PICALM: variants seen among roughly 807,000 people sequenced by gnomAD.
PICALM encodes the protein phosphatidylinositol-binding clathrin assembly protein.
PICALM carries 40 observed loss-of-function variants against 80.5 expected under a neutral mutation model. The observed-to-expected ratio is 0.50, with a 90% CI of 0.39 to 0.65. PICALM has a LOEUF of 0.65. PICALM is among the 30% of genes least tolerant of loss of function. The pLI, the probability that PICALM is intolerant of heterozygous loss-of-function variation, is 0.00. For synonymous variants in PICALM, 288 were observed against 260.3 expected (o/e 1.11, Z -1.02); for missense variants, 676 against 778.9 (o/e 0.87, Z 1.57).
At chr11:86,005,648 T>G (rs146781310) in intron 8 of PICALM, among the ~76,000 whole-genome samples, 1 of 152,040 alleles carries the variant, frequency 6.6e-6, no homozygotes, top group Non-Finnish European at 1.5e-5. Flanking sequence ...GAGGATGCAG[T>G]GACCCATGAT....
intron 19 of PICALM, among the ~76,000 whole-genome samples, chr11:85,967,360 G>C (rs2093936110): frequency 6.9e-6 from 1 of 145,686 alleles, no homozygotes; most frequent in Non-Finnish European, 1.5e-5. Flanking sequence ...TATTTATTAA[G>C]ACAAGAAATT....
At chr11:85,997,791 G>A (rs1381801611) in intron 11 of PICALM, among the ~76,000 whole-genome samples, 1 of 150,762 alleles carries the variant, frequency 6.6e-6, no homozygotes, top group Non-Finnish European at 1.5e-5. Flanking sequence ...TTGTTGTTTT[G>A]CTTTTTTTGA....
At chr11:85,986,431 C>T (rs552137672) in intron 13 of PICALM, among the ~76,000 whole-genome samples, 13 of 127,092 alleles carry the variant, frequency 1.0e-4, no homozygotes, top group East Asian at 7.5e-4. Context: ...TCACCCAGGC[C>T]GGACTGCGGA....
chr11:85,976,770 A>C, intron 17 of PICALM, 88 bp from the exon 18 acceptor site: 1 of 770,552 alleles, frequency 1.3e-6, no homozygotes, highest in South Asian at 1.5e-5. Context: ...AGTTCCACTA[A>C]AAAGAATTGC....
At chr11:85,970,463 GTTGTT>G (rs1355143164) in intron 19 of PICALM, among the ~76,000 whole-genome samples, 7 of 152,218 alleles carry the variant, frequency 4.6e-5, no homozygotes, top group Non-Finnish European at 1.0e-4. Context: ...GCTTCATGAG[GTTGTT>G]TTAAGATGGA....
chr11:86,065,223 G>A (rs371719503), intron 1 of PICALM, among the ~76,000 whole-genome samples: 156 of 152,226 alleles, frequency 1.0e-3, no homozygotes, highest in African/African-American at 3.5e-3. Flanking sequence ...CGAGGCGGGC[G>A]AATCATGTGG....
At chr11:85,969,115 C>CT (rs759832358) in intron 19 of PICALM, among the ~76,000 whole-genome samples, 6 of 152,160 alleles carry the variant, frequency 3.9e-5, no homozygotes, top group Admixed American at 1.3e-4. Flanking sequence ...TAACAGCCAT[C>CT]TGGAAGGTGT....
At chr11:85,965,812 T>TTG (rs1358696692) in intron 19 of PICALM, among the ~76,000 whole-genome samples, 4 of 60,636 alleles carry the variant, frequency 6.6e-5, no homozygotes, top group African/African-American at 3.2e-4. Flanking sequence ...ATTTTGTTTT[T>TTG]TTGTTTTTTT....
intron 1 of PICALM, among the ~76,000 whole-genome samples, chr11:86,046,729 A>G (rs112696552): frequency 2.8e-3 from 432 of 152,316 alleles, no homozygotes; most frequent in Non-Finnish European, 5.2e-3. Context: ...TTCTTTCTTA[A>G]TAAAGACAGG....
intron 7 of PICALM, among the ~76,000 whole-genome samples, chr11:86,008,209 G>A (rs2095318022): frequency 6.6e-6 from 1 of 152,154 alleles, no homozygotes; most frequent in African/African-American, 2.4e-5. Context: ...CGGTTCCTGT[G>A]TATTCTAGCA....
At chr11:86,011,952 G>A (rs2095405467) in intron 6 of PICALM, among the ~76,000 whole-genome samples, 1 of 150,928 alleles carries the variant, frequency 6.6e-6, no homozygotes, top group Non-Finnish European at 1.5e-5. Flanking sequence ...CTGGGTTCAA[G>A]CAATTCTCCT....
At position 86,003,463 on chromosome 11, in the gene PICALM, C is replaced by T. The variant is rs2095200845; in HGVS notation, c.808-12G>A. The T allele has an allele frequency of 1.3e-6, 2 of 1,519,032 alleles. No homozygotes were observed. Among genetic ancestry groups the T allele is most frequent in the East Asian group, 2.3e-5 (1 of 43,778 alleles). The allele number at this position is 1,519,032 out of a possible 1,614,324, so 94.1% of individuals were successfully genotyped here. ...AGACTGCTAGGGGCCTGCAATTGTACAAATATTAAGAATTTCATGATAATT... is the reference window on the plus strand; with the variant it reads ...AGACTGCTAGGGGCCTGCAATTGTATAAATATTAAGAATTTCATGATAATT... On this transcript the variant is annotated splice_polypyrimidine_tract_variant and intron_variant, in intron 8 of 19. Coordinates refer to ENST00000393346, the MANE Select transcript of PICALM (RefSeq NM_007166.4).
At chr11:85,992,429 C>A (rs576313716) in intron 12 of PICALM, among the ~76,000 whole-genome samples, 8 of 151,968 alleles carry the variant, frequency 5.3e-5, no homozygotes, top group African/African-American at 1.7e-4. Context: ...GGATTACAGG[C>A]GCGTGCCACC....
intron 1 of PICALM, among the ~76,000 whole-genome samples, chr11:86,044,733 A>G (rs766239170): frequency 1.3e-5 from 2 of 152,204 alleles, no homozygotes; most frequent in African/African-American, 4.8e-5. Flanking sequence ...TTACTGCCTG[A>G]GCTCTGCCTC....
chr11:86,024,443 CT>C (rs11452201), intron 3 of PICALM, among the ~76,000 whole-genome samples: 22,241 of 137,500 alleles, frequency 0.16, 2,218 homozygotes, highest in Middle Eastern at 0.24. Flanking sequence ...TTCCCCTGAT[CT>C]TTTTTTTTTT....
Position 85,990,362 on chromosome 11 carries a change from G to A in PICALM, c.1296C>T (p.Ala432=), listed in dbSNP as rs1170526193. 3 of 1,607,436 alleles carry A rather than the reference G, an allele frequency of 1.9e-6. No homozygotes were observed. Among genetic ancestry groups the A allele is most frequent in the Non-Finnish European group, 2.6e-6 (3 of 1,174,802 alleles). ...TGAGGAAAGGATTTAAGCTTGGAAT[G>A]GCATCATCAACAGCATCTACAGTAG... The part of the protein sequence containing the change: ...FSATVDAVDD[A]IPSLNPFLTK... Residue 432 remains alanine (A), a synonymous_variant, in exon 13 of 20, where the codon GCC becomes GCT. Transcript: ENST00000393346.
At chr11:86,023,018 A>G (rs927389539) in intron 3 of PICALM, among the ~76,000 whole-genome samples, 1 of 152,186 alleles carries the variant, frequency 6.6e-6, no homozygotes, top group African/African-American at 2.4e-5. Flanking sequence ...TTTCAATGAA[A>G]CTTTCTAAAT....
chr11:85,984,073 C>G, intron 13 of PICALM, 100 bp from the exon 14 acceptor site: 1 of 616,528 alleles, frequency 1.6e-6, no homozygotes, highest in South Asian at 2.1e-5. Flanking sequence ...CACTAAATTC[C>G]CCACACAAAA....
intron 12 of PICALM, among the ~76,000 whole-genome samples, chr11:85,992,314 T>C (rs1229206184): frequency 1.3e-5 from 2 of 150,598 alleles, no homozygotes; most frequent in Admixed American, 6.6e-5. Flanking sequence ...AGAGTCGAAC[T>C]CGCTGTGTTG....
Sources: gnomAD v4.1 joint callset for allele counts (sites outside exome capture counted in the v4.1 genomes callset) on GRCh38, gnomAD v4.1.1 for gene constraint, MANE v1.5 for transcripts, NCBI Gene and HGNC (gene_info 2026-07-23, HGNC 2026-07-21) for gene names.